The following VPS4A variants were observed in gnomAD, a reference collection of about 807,000 sequenced individuals.
VPS4A encodes the protein vacuolar protein sorting 4 homolog A, also known as vacuolar protein sorting-associated protein 4A.
VPS4A carries 20 observed loss-of-function variants against 52.3 expected under a neutral mutation model. The observed-to-expected ratio is 0.38, with a 90% CI of 0.27 to 0.56. The LOEUF (loss-of-function observed/expected upper bound fraction) is 0.56, where lower values mean the gene tolerates loss of function less well. Ranked by LOEUF, VPS4A falls within the 20% of genes least tolerant of loss-of-function variation. The pLI is 0.72. For missense variants in VPS4A, 419 were observed against 575.9 expected (o/e 0.73, Z 2.79); for synonymous variants, 293 against 227.7 (o/e 1.29, Z -2.58).
chr16:69,320,091 C>G lies in VPS4A; in HGVS notation c.621-50C>G. 6.4e-7 allele frequency: 1 copy of G among 1,570,716 alleles called. No homozygotes were observed. On this transcript the variant is annotated intron_variant, in intron 6 of 10. Coordinates refer to ENST00000254950, the MANE Select transcript of VPS4A (RefSeq NM_013245.3). This position sits in a 1 kb window ranked among gnomAD's most constrained non-coding sequence, Gnocchi z 4.2. ...AAGAGGGAAGTGCCGGGAGCCCAGGCGGGCACGGACGTGAACGTCTTGTCC... is the reference window on the plus strand; with the variant it reads ...AAGAGGGAAGTGCCGGGAGCCCAGGGGGGCACGGACGTGAACGTCTTGTCC...
chr16:69,314,280 A>G (rs1445720903), intron 1 of VPS4A, among the ~76,000 whole-genome samples: 1 of 151,956 alleles, frequency 6.6e-6, no homozygotes, highest in East Asian at 1.9e-4. Context: ...GCACACTCTT[A>G]GGTGTATTAC....
Position 69,326,482 on chromosome 16 carries a change from C to T in VPS4A, c.*2173C>T, listed in dbSNP as rs773909498. On this transcript the variant is annotated 3_prime_UTR_variant, in exon 11 of 11. Transcript: ENST00000254950. Reference sequence around the variant, plus strand: ...CTAGTTACATTTACTTGAATCAGAACGTTGTTTCCTCATTCCTACTGCTTA... The same window carrying T: ...CTAGTTACATTTACTTGAATCAGAATGTTGTTTCCTCATTCCTACTGCTTA... 2.0e-5 allele frequency: 3 copies of T among 152,212 alleles called. No homozygotes were observed. The highest frequency in any genetic ancestry group is 1.9e-4 in the East Asian group (1 of 5,208). The allele number at this position is 152,212 out of a possible 1,614,324, so 9.4% of individuals were successfully genotyped here.
At chr16:69,313,989 T>A (rs1965407558) in intron 1 of VPS4A, among the ~76,000 whole-genome samples, 1 of 148,386 alleles carries the variant, frequency 6.7e-6, no homozygotes, top group South Asian at 2.2e-4. Context: ...TGCACTCTTT[T>A]TTTTTTTTTT....
rs1251863371 is a variant in VPS4A, at chr16:69,311,944, T to TCACTTCGAACAAGCCCCGGCCCC, written c.21+413_21+435dup. Among the ~76,000 whole-genome samples the TCACTTCGAACAAGCCCCGGCCCC allele has an allele frequency of 3.4e-3, 518 of 152,218 alleles. 3 individuals are homozygous for TCACTTCGAACAAGCCCCGGCCCC. Among genetic ancestry groups the TCACTTCGAACAAGCCCCGGCCCC allele is most frequent in the Non-Finnish European group, 3.4e-3 (230 of 67,998 alleles). Reference sequence around the variant, plus strand: ...CCCGGGTCCTGGAAGTCCCTCGACCTCACTTCGAACAAGCCCCGGCCCCTT... The same window carrying TCACTTCGAACAAGCCCCGGCCCC: ...CCCGGGTCCTGGAAGTCCCTCGACCTCACTTCGAACAAGCCCCGGCCCCCACTTCGAACAAGCCCCGGCCCCTT... On this transcript the variant is annotated intron_variant, in intron 1 of 10. Transcript: ENST00000254950.
intron 9 of VPS4A, 87 bp from the exon 10 acceptor site, chr16:69,322,473 C>T (rs1282429220): frequency 1.4e-6 from 2 of 1,408,868 alleles, no homozygotes; most frequent in Non-Finnish European, 1.9e-6. Flanking sequence ...ACAGAGCATT[C>T]TCTTTGGGAC....
rs367803400 is a variant in VPS4A, at chr16:69,321,033, G to A, written c.852-18G>A. 2.3e-5 allele frequency: 36 copies of A among 1,561,648 alleles called. No homozygotes were observed. Among genetic ancestry groups the A allele is most frequent in the African/African-American group, 1.9e-4 (14 of 73,470 alleles). On this transcript the variant is annotated intron_variant, in intron 8 of 10. Transcript: ENST00000254950. This position sits in a 1 kb window ranked among gnomAD's most constrained non-coding sequence, Gnocchi z 4.5. ...CCATCATCCGCTGTCAACTCCTGCC[G>A]TGTGCTGGGCTCTCTAGGTTTGAAA...
At chr16:69,317,532 G>A (rs1364593924) in intron 3 of VPS4A, among the ~76,000 whole-genome samples, 1 of 151,992 alleles carries the variant, frequency 6.6e-6, no homozygotes, top group Non-Finnish European at 1.5e-5. Flanking sequence ...GGTGGCTCAC[G>A]CCTGTAATCC....
At chr16:69,322,115 T>C (rs1285617836) in intron 9 of VPS4A, 1 of 166,628 alleles carries the variant, frequency 6.0e-6, no homozygotes, top group South Asian at 1.7e-4. Flanking sequence ...GAAACAAAAG[T>C]GGAAACCCCT....
At chr16:69,322,758 T>G in intron 10 of VPS4A, 58 bp downstream of exon 10, 1 of 1,554,118 alleles carries the variant, frequency 6.4e-7, no homozygotes. Context: ...AATTGAGGGT[T>G]TGGGTCCAGA....
At chr16:69,317,184 A>C (rs1339385182) in intron 3 of VPS4A, among the ~76,000 whole-genome samples, 1 of 152,192 alleles carries the variant, frequency 6.6e-6, no homozygotes, top group Non-Finnish European at 1.5e-5. Context: ...GGGATCTCCA[A>C]TAAGGATTAA....
intron 1 of VPS4A, among the ~76,000 whole-genome samples, chr16:69,315,637 C>T (rs1367380952): frequency 6.6e-6 from 1 of 152,164 alleles, no homozygotes; most frequent in East Asian, 1.9e-4. Context: ...TCACTTGCTC[C>T]CGCGTGTCCC....
At position 69,316,299 on chromosome 16, in the gene VPS4A, C is replaced by G; in HGVS notation, c.208C>G (p.Leu70Val). The G allele has an allele frequency of 6.2e-7, 1 of 1,613,824 alleles. No individual in the cohort carries two copies. Among genetic ancestry groups the G allele is most frequent in the Non-Finnish European group, 8.5e-7 (1 of 1,179,864 alleles). Residue 70 changes from leucine (L) to valine (V), a missense_variant, in exon 3 of 11, where the codon CTG (leucine) becomes GTG (valine). Transcript: ENST00000254950. ...CVQYLDRAEK[L>V]KDYLRSKEKH... ...GCAGTACCTAGACCGGGCCGAGAAG[C>G]TGAAGGATTATTTACGAAGCAAAGA...
Position 69,321,957 on chromosome 16 carries a change from ATTT to A in VPS4A, c.1072-601_1072-599del, listed in dbSNP as rs2143267271. On this transcript the variant is annotated intron_variant, in intron 9 of 10. Transcript: ENST00000254950. The surrounding 1 kb of genome is among the most constrained non-coding windows in gnomAD (Gnocchi z 4.5). ...TTGGAAAACCACTTTGTGTTAATCTATTTTCATGCTGCTGATAAAGACATACCC... is the reference window on the plus strand; with the variant it reads ...TTGGAAAACCACTTTGTGTTAATCTATCATGCTGCTGATAAAGACATACCC... 1 of 156,210 alleles carries A rather than the reference ATTT, an allele frequency of 6.4e-6. No homozygotes were observed. Among genetic ancestry groups the A allele is most frequent in the South Asian group, 2.0e-4 (1 of 5,046 alleles). The allele number at this position is 156,210 out of a possible 1,614,324, so 9.7% of individuals were successfully genotyped here. A position where few individuals can be genotyped will look rare whatever the true frequency, so the allele number is the denominator to read the frequency against.
rs537066699 is a variant in VPS4A at position 69,322,848 on chromosome 16, T to C, written c.1212+148T>C. Reference sequence around the variant, plus strand: ...ACTTTGGGAGGCCAGGGTGGGCAGATCACAAGGTTAGGAGTTCGAGACCAG... The same window carrying C: ...ACTTTGGGAGGCCAGGGTGGGCAGACCACAAGGTTAGGAGTTCGAGACCAG... On this transcript the variant is annotated intron_variant, in intron 10 of 10. Transcript: ENST00000254950. 26 of 1,005,128 alleles carry C rather than the reference T, an allele frequency of 2.6e-5. No individual in the cohort carries two copies. The East Asian group carries it at 6.7e-4, about 26-fold the overall frequency. 62.3% of individuals were successfully genotyped at this position (1,005,128 alleles called of 1,614,324 possible).
At position 69,320,576 on chromosome 16, in the gene VPS4A, C is replaced by A; in HGVS notation, c.770-112C>A. The A allele has an allele frequency of 1.0e-6, 1 of 968,562 alleles. No homozygotes were observed. The highest frequency in any genetic ancestry group is 1.6e-6 in the Non-Finnish European group (1 of 643,076). The allele number at this position is 968,562 out of a possible 1,614,324, so 60.0% of individuals were successfully genotyped here. A position where few individuals can be genotyped will look rare whatever the true frequency, so the allele number is the denominator to read the frequency against. The stretch of plus-strand genomic sequence containing the variant: ...TTGGGACCCTGCCAGTGGTGGGTGG[C>A]ACAGGGATGGCTTCAATTGCTGACA... On this transcript the variant is annotated intron_variant, in intron 7 of 10. Transcript: ENST00000254950. This position sits in a 1 kb window ranked among gnomAD's most constrained non-coding sequence, Gnocchi z 4.2.
At position 69,321,338 on chromosome 16, in the gene VPS4A, C is replaced by T; in HGVS notation, c.1071+68C>T. 1.3e-6 allele frequency: 2 copies of T among 1,494,332 alleles called. No individual in the cohort carries two copies. Among genetic ancestry groups the T allele is most frequent in the East Asian group, 2.5e-5 (1 of 40,408 alleles). 92.6% of individuals were successfully genotyped at this position (1,494,332 alleles called of 1,614,324 possible). A position where few individuals can be genotyped will look rare whatever the true frequency, so the allele number is the denominator to read the frequency against. On this transcript the variant is annotated intron_variant, in intron 9 of 10. Coordinates refer to ENST00000254950, the MANE Select transcript of VPS4A (RefSeq NM_013245.3). The surrounding 1 kb of genome is among the most constrained non-coding windows in gnomAD (Gnocchi z 4.5). ...AGCGGGATGTTCGGTTTTTTTTTTC[C>T]CAGCTCCTGGTCCTGCTCCCCGGCT...
chr16:69,318,730 T>C lies in VPS4A; in HGVS notation c.343+19T>C, dbSNP rs2270850. 1.2e-6 allele frequency: 2 copies of C among 1,613,466 alleles called. No homozygotes were observed. The highest frequency in any genetic ancestry group is 2.2e-5 in the East Asian group (1 of 44,832). ...CTGATGGGTAAGTGGCTCGCGGCCC[T>C]GTGGCAGCGGCAGGGGATGAGAGTG... On this transcript the variant is annotated intron_variant, in intron 4 of 10. Transcript: ENST00000254950.
At position 69,319,467 on chromosome 16, in the gene VPS4A, A is replaced by T; in HGVS notation, c.544A>T (p.Thr182Ser). 6.2e-7 allele frequency: 1 copy of T among 1,614,018 alleles called. No homozygotes were observed. The highest frequency in any genetic ancestry group is 8.5e-7 in the Non-Finnish European group (1 of 1,179,906). The stretch of plus-strand genomic sequence containing the variant: ...ATCCTACCTGGCCAAAGCCGTGGCA[A>T]CAGAGGCCAACAACTCCACCTTCTT... ...GKSYLAKAVATEANNSTFFSV... is the reference protein window; with the variant it reads ...GKSYLAKAVASEANNSTFFSV... The change falls in exon 6 of 11, where the codon ACA becomes TCA. Residue 182 changes from threonine to serine, a missense_variant. Around this residue, in one of 3 missense-constraint regions of VPS4A, gnomAD observed 103 missense variants for 210.3 expected, o/e 0.49. Coordinates refer to ENST00000254950, the MANE Select transcript of VPS4A (RefSeq NM_013245.3).
At chr16:69,323,932 A>G (rs1468371027) in intron 10 of VPS4A, among the ~76,000 whole-genome samples, 1 of 136,724 alleles carries the variant, frequency 7.3e-6, no homozygotes, top group Non-Finnish European at 1.5e-5. Flanking sequence ...CCTGGGTGAC[A>G]GACTCCGTCT....
Sources: allele counts gnomAD v4.1 joint callset (sites outside exome capture counted in the v4.1 genomes callset), GRCh38; gene constraint gnomAD v4.1.1; regional missense constraint gnomAD v4.1.1; non-coding constraint Gnocchi (gnomAD v3.1); transcripts MANE v1.5; gene names NCBI Gene and HGNC (gene_info 2026-07-23, HGNC 2026-07-21).